KHDRBS2: variants seen among roughly 807,000 people sequenced by gnomAD.
The protein encoded by KHDRBS2 is KH RNA binding domain containing, signal transduction associated 2, also known as KH domain-containing, RNA-binding, signal transduction-associated protein 2.
In KHDRBS2, 26 loss-of-function variants were observed where a neutral mutation model predicts 44.3. The ratio of observed to expected loss-of-function variants is 0.59; its 90% confidence interval spans 0.43 to 0.81. The LOEUF (loss-of-function observed/expected upper bound fraction) is 0.81, where lower values mean the gene tolerates loss of function less well. Among genes scored for constraint, KHDRBS2 ranks in the 40% least tolerant of loss-of-function variants. KHDRBS2 has a pLI of 0.00. For synonymous variants in KHDRBS2, 194 were observed against 151.1 expected (o/e 1.28, Z -2.08); for missense variants, 476 against 433.1 (o/e 1.10, Z -0.88).
At chr6:62,135,204 C>G (rs1435868463) in intron 2 of KHDRBS2, among the ~76,000 whole-genome samples, 1 of 152,172 alleles carries the variant, frequency 6.6e-6, no homozygotes, top group East Asian at 1.9e-4. Context: ...TTTCCCCATA[C>G]TGTTCTCGTG....
chr6:62,039,265 CACACACACACACACACACAA>C lies in KHDRBS2; in HGVS notation c.336+8593_336+8612del, dbSNP rs199513111. Among the ~76,000 whole-genome samples the C allele has an allele frequency of 1.5e-4, 23 of 151,254 alleles. No homozygotes were observed. The East Asian group carries it at 4.5e-3, about 30-fold the overall frequency. On this transcript the variant is annotated intron_variant, in intron 3 of 8. Coordinates refer to ENST00000281156, the MANE Select transcript of KHDRBS2 (RefSeq NM_152688.4). ...ATAGATACACAGGCAAACACACACA[CACACACACACACACACACAA>C]ACACACACACCCCTCTAGAAATTAT... is the stretch of plus-strand genomic sequence containing the variant.
intron 1 of KHDRBS2, among the ~76,000 whole-genome samples, chr6:62,270,701 C>T (rs1028507153): frequency 1.3e-5 from 2 of 151,986 alleles, no homozygotes; most frequent in Admixed American, 1.3e-4. Flanking sequence ...TATTTTACCT[C>T]AACTTTTTTA....
chr6:62,037,129 A>G (rs938854765), intron 3 of KHDRBS2, among the ~76,000 whole-genome samples: 2 of 151,974 alleles, frequency 1.3e-5, no homozygotes, highest in Admixed American at 1.3e-4. Context: ...ACAAGTTTCT[A>G]CATAGTTTCT....
intron 2 of KHDRBS2, among the ~76,000 whole-genome samples, chr6:62,168,184 A>T (rs1290033158): frequency 2.0e-5 from 3 of 152,130 alleles, no homozygotes. Context: ...AGCACAGGGG[A>T]ATGTGGCTGC....
chr6:61,933,843 A>T (rs548996596), intron 4 of KHDRBS2, among the ~76,000 whole-genome samples: 1 of 152,260 alleles, frequency 6.6e-6, no homozygotes, highest in South Asian at 2.1e-4. Context: ...ATCATTTGGT[A>T]GTTCTATTTT....
At chr6:62,048,112 C>A in intron 2 of KHDRBS2, 118 bp from the exon 3 acceptor site, 132 of 548,816 alleles carry the variant, frequency 2.4e-4, no homozygotes, top group Middle Eastern at 3.8e-4. Flanking sequence ...GAGAGTCATG[C>A]CATAAACATA....
intron 3 of KHDRBS2, among the ~76,000 whole-genome samples, chr6:62,023,746 T>C (rs1217779582): frequency 6.6e-6 from 1 of 151,394 alleles, no homozygotes; most frequent in Non-Finnish European, 1.5e-5. Flanking sequence ...GCAAATTATA[T>C]GTAATATGAA....
intron 2 of KHDRBS2, among the ~76,000 whole-genome samples, chr6:62,075,798 T>C (rs1385447376): frequency 6.6e-6 from 1 of 151,830 alleles, no homozygotes; most frequent in South Asian, 2.1e-4. Context: ...CTGTAGGTAA[T>C]AGAGCCTCTG....
intron 7 of KHDRBS2, among the ~76,000 whole-genome samples, chr6:61,731,637 G>T (rs909972051): frequency 4.6e-5 from 7 of 151,978 alleles, no homozygotes; most frequent in African/African-American, 1.7e-4. Context: ...CCTAAAGGAG[G>T]TTTATTGCCA....
intron 1 of KHDRBS2, among the ~76,000 whole-genome samples, chr6:62,200,262 G>T (rs1246341126): frequency 6.6e-6 from 1 of 152,154 alleles, no homozygotes; most frequent in Admixed American, 6.6e-5. Flanking sequence ...AAGAGCTTCT[G>T]CACAGCAAAA....
intron 3 of KHDRBS2, among the ~76,000 whole-genome samples, chr6:62,000,613 G>A (rs1239862924): frequency 6.6e-6 from 1 of 152,146 alleles, no homozygotes; most frequent in East Asian, 1.9e-4. Flanking sequence ...CAGATGTCCA[G>A]TAAAAGGGTG....
At chr6:61,576,778 C>T in the KHDRBS2 span, among the ~76,000 whole-genome samples, 1 of 152,142 alleles carries the variant, frequency 6.6e-6, no homozygotes, top group Non-Finnish European at 1.5e-5. Context: ...CTAAAAATTT[C>T]ATCATCCTCC....
intron 4 of KHDRBS2, among the ~76,000 whole-genome samples, chr6:61,908,440 C>G (rs1805432459): frequency 6.6e-6 from 1 of 151,856 alleles, no homozygotes; most frequent in African/African-American, 2.4e-5. Flanking sequence ...CGAGACCATC[C>G]TGGCTAATAC....
rs186950414 is a variant in KHDRBS2, at chr6:61,851,889, G to T, written c.810+42746C>A. 9.5e-4 allele frequency among the ~76,000 whole-genome samples: 145 copies of T among 152,278 alleles called. 2 individuals are homozygous for T. The highest frequency in any genetic ancestry group is 3.2e-3 in the African/African-American group (133 of 41,554). ...CAATTTATAGAATAACTGAAATCAC[G>T]ATATAAGTTTAAGAAAATGTGCATA... On this transcript the variant is annotated intron_variant, in intron 6 of 8. Coordinates refer to ENST00000281156, the MANE Select transcript of KHDRBS2 (RefSeq NM_152688.4).
the KHDRBS2 span, among the ~76,000 whole-genome samples, chr6:61,650,120 T>A: frequency 6.6e-6 from 1 of 152,162 alleles, no homozygotes; most frequent in Non-Finnish European, 1.5e-5. Context: ...GCCTGCATTA[T>A]GCAGCTCCAG....
At chr6:61,910,852 G>A (rs1805925770) in intron 4 of KHDRBS2, among the ~76,000 whole-genome samples, 1 of 152,088 alleles carries the variant, frequency 6.6e-6, no homozygotes, top group South Asian at 2.1e-4. Flanking sequence ...ATTTGTCTAG[G>A]TAAAGTCAAA....
At chr6:61,844,045 T>C (rs1178500877) in intron 6 of KHDRBS2, among the ~76,000 whole-genome samples, 1 of 152,178 alleles carries the variant, frequency 6.6e-6, no homozygotes, top group Non-Finnish European at 1.5e-5. Flanking sequence ...ATTTATCCTA[T>C]TGCCTTTAGG....
At chr6:62,167,917 G>C (rs184127060) in intron 2 of KHDRBS2, among the ~76,000 whole-genome samples, 1 of 152,198 alleles carries the variant, frequency 6.6e-6, no homozygotes, top group Non-Finnish European at 1.5e-5. Flanking sequence ...TTAAAAGTCA[G>C]AAAAATCACA....
chr6:61,704,464 C>A (rs1460908541), intron 7 of KHDRBS2, among the ~76,000 whole-genome samples: 1 of 151,596 alleles, frequency 6.6e-6, no homozygotes, highest in African/African-American at 2.4e-5. Flanking sequence ...CAACCAAGTC[C>A]CAGAGGCAAG....
Sources: allele counts gnomAD v4.1 joint callset (sites outside exome capture counted in the v4.1 genomes callset), GRCh38; gene constraint gnomAD v4.1.1; transcripts MANE v1.5; gene names NCBI Gene and HGNC (gene_info 2026-07-23, HGNC 2026-07-21).